Variants in CNGB3 observed in about 807,000 individuals in gnomAD.
The protein encoded by CNGB3 is cyclic nucleotide-gated channel beta-3.
Under a neutral mutation model 92.8 loss-of-function variants are expected in CNGB3, and 86 were observed. That is an observed-to-expected ratio of 0.93 (90% CI 0.78 to 1.11). CNGB3 has a LOEUF of 1.11. Among genes scored for constraint, CNGB3 ranks in the 50% least tolerant of loss-of-function variants. CNGB3 has a pLI of 0.00. For missense variants in CNGB3, 1,026 were observed against 956.8 expected (o/e 1.07, Z -0.95); for synonymous variants, 333 against 332.7 (o/e 1.00, Z -0.01).
chr8:86,727,077 T>A (rs1825072868), intron 2 of CNGB3, among the ~76,000 whole-genome samples: 1 of 152,154 alleles, frequency 6.6e-6, no homozygotes, highest in African/African-American at 2.4e-5. Context: ...TCTAACACAA[T>A]GGTCAGTCTG....
intron 3 of CNGB3, among the ~76,000 whole-genome samples, chr8:86,673,479 G>A (rs1179244616): frequency 1.3e-5 from 2 of 152,138 alleles, no homozygotes; most frequent in East Asian, 3.8e-4. Flanking sequence ...GGTATGGAAA[G>A]GAAAGGTGAG....
chr8:86,694,870 G>C (rs1824415822), intron 3 of CNGB3, among the ~76,000 whole-genome samples: 1 of 151,916 alleles, frequency 6.6e-6, no homozygotes, highest in Non-Finnish European at 1.5e-5. Context: ...CGGCCAGGCA[G>C]AGACTCTCCT....
intron 2 of CNGB3, among the ~76,000 whole-genome samples, chr8:86,739,010 G>T (rs900821236): frequency 6.6e-6 from 1 of 152,146 alleles, no homozygotes; most frequent in South Asian, 2.1e-4. Flanking sequence ...TCAGGAGAGG[G>T]AGCGTATTTG....
Position 86,654,064 on chromosome 8 carries a change from TGAAA to T in CNGB3, c.853-6_853-3del, listed in dbSNP as rs1411827679. On this transcript the variant is annotated splice_region_variant and splice_polypyrimidine_tract_variant and intron_variant, in intron 6 of 17. Coordinates refer to ENST00000320005, the MANE Select transcript of CNGB3 (RefSeq NM_019098.5). ...TTTCCTTAGCTCATTTGAATCCACCTGAAAGATATTTGTATTTTCATTAATTTTA... is the reference window on the plus strand; with the variant it reads ...TTTCCTTAGCTCATTTGAATCCACCTGATATTTGTATTTTCATTAATTTTA... 6.3e-7 allele frequency: 1 copy of T among 1,575,226 alleles called. No individual in the cohort carries two copies.
At chr8:86,585,734 G>A (rs1229396314) in intron 15 of CNGB3, among the ~76,000 whole-genome samples, 3 of 152,070 alleles carry the variant, frequency 2.0e-5, no homozygotes, top group African/African-American at 4.8e-5. Flanking sequence ...TTAGTAAAGG[G>A]GCCATTCTGC....
At chr8:86,740,987 G>A (rs1586046619) in intron 1 of CNGB3, among the ~76,000 whole-genome samples, 2 of 152,168 alleles carry the variant, frequency 1.3e-5, no homozygotes, top group African/African-American at 4.8e-5. Context: ...TTTATGTGAA[G>A]AGTGTCTTCT....
rs759770735 is a variant in CNGB3, at chr8:86,647,823, A to C, written c.968T>G (p.Phe323Cys). 6.4e-6 allele frequency: 10 copies of C among 1,570,990 alleles called. No homozygotes were observed. The East Asian group carries it at 1.6e-4, about 25-fold the overall frequency. Residue 323 changes from phenylalanine (F) to cysteine (C), a missense_variant, in exon 8 of 18, where the codon TTT becomes TGT. Physicochemically the swap from Phe to Cys is radical, Grantham distance 205. Transcript: ENST00000320005. ...CYLFFGFNPM[F>C]RANRMLKYTS... is the part of the protein sequence containing the mutation. ...TACCTTTAACATCCTATTTGCTCTA[A>C]ACATTGGATTAAACCCAAAGAAGAG...
chr8:86,690,415 T>C (rs577128932), intron 3 of CNGB3, among the ~76,000 whole-genome samples: 18 of 152,340 alleles, frequency 1.2e-4, no homozygotes, highest in African/African-American at 4.3e-4. Context: ...GGTTGTTTTT[T>C]TCTTGTAAAT....
chr8:86,687,522 G>C (rs1364492485), intron 3 of CNGB3, among the ~76,000 whole-genome samples: 1 of 152,058 alleles, frequency 6.6e-6, no homozygotes, highest in East Asian at 1.9e-4. Context: ...TGAATACCAG[G>C]AACTGGGAGG....
At chr8:86,675,028 G>A (rs1005291340) in intron 3 of CNGB3, among the ~76,000 whole-genome samples, 14 of 152,014 alleles carry the variant, frequency 9.2e-5, no homozygotes, top group African/African-American at 3.1e-4. Flanking sequence ...GTGCAATCTC[G>A]GCTCACTGCA....
Position 86,604,208 on chromosome 8 carries a change from C to T in CNGB3, c.1666G>A (p.Glu556Lys). 6.3e-7 allele frequency: 1 copy of T among 1,589,502 alleles called. No individual in the cohort carries two copies. Among genetic ancestry groups the T allele is most frequent in the South Asian group, 1.1e-5 (1 of 90,470 alleles). The change falls in exon 15 of 18, where the codon GAA becomes AAA. Residue 556 changes from glutamate to lysine, a missense_variant. Glu to Lys is a moderately conservative substitution (Grantham distance 56, BLOSUM62 1). Coordinates refer to ENST00000320005, the MANE Select transcript of CNGB3 (RefSeq NM_019098.5). ...ATGATATACATTTCCTTGCCAATTT[C>T]TCCCTACATTTTAAATATAAAGAGG... ...LPGDFVCKKG[E>K]IGKEMYIIKH...
chr8:86,661,727 G>C, intron 6 of CNGB3: 1 of 1,533,056 alleles, frequency 6.5e-7, no homozygotes, highest in Non-Finnish European at 9.0e-7. Flanking sequence ...CATGGGTAGT[G>C]GTTGATCTAG....
At chr8:86,653,024 C>T (rs916586647) in intron 7 of CNGB3, among the ~76,000 whole-genome samples, 13 of 152,150 alleles carry the variant, frequency 8.5e-5, no homozygotes, top group African/African-American at 2.9e-4. Flanking sequence ...ACACATTGCA[C>T]TGTAATGTTA....
At position 86,670,924 on chromosome 8, in the gene CNGB3, T is replaced by C; in HGVS notation, c.493+20A>G. 6.2e-7 allele frequency: 1 copy of C among 1,612,046 alleles called. No homozygotes were observed. The highest frequency in any genetic ancestry group is 8.5e-7 in the Non-Finnish European group (1 of 1,179,854). ...CTCAGCACTTCTTTCTTCCCAGTAC[T>C]TGGAGGGAGCAATGCTTACCAGTTT... On this transcript the variant is annotated intron_variant, in intron 4 of 17. Coordinates refer to ENST00000320005, the MANE Select transcript of CNGB3 (RefSeq NM_019098.5).
At chr8:86,585,060 A>G (rs1288447491) in intron 15 of CNGB3, among the ~76,000 whole-genome samples, 1 of 152,148 alleles carries the variant, frequency 6.6e-6, no homozygotes, top group East Asian at 1.9e-4. Context: ...GTATCTGATT[A>G]TCTTTAAGAA....
In CNGB3 at chr8:86,656,611, T is replaced by C. The variant is rs371763840; in HGVS notation, c.853-2549A>G. Reference sequence around the variant, plus strand: ...ACATTTCTTCAGGGGAGGCTTACTTTAGGAAGGATATGCTAATTGCACCTA... The same window carrying C: ...ACATTTCTTCAGGGGAGGCTTACTTCAGGAAGGATATGCTAATTGCACCTA... On this transcript the variant is annotated intron_variant, in intron 6 of 17. Coordinates refer to ENST00000320005, the MANE Select transcript of CNGB3 (RefSeq NM_019098.5). 3.9e-5 allele frequency among the ~76,000 whole-genome samples: 6 copies of C among 152,322 alleles called. No homozygotes were observed. In the South Asian group the frequency reaches 1.0e-3, roughly 26 times the overall value.
At chr8:86,601,110 G>A (rs910911440) in intron 15 of CNGB3, among the ~76,000 whole-genome samples, 1 of 152,044 alleles carries the variant, frequency 6.6e-6, no homozygotes, top group African/African-American at 2.4e-5. Context: ...ATTTGAAGGA[G>A]GAATGAAAAA....
intron 15 of CNGB3, among the ~76,000 whole-genome samples, chr8:86,583,980 G>T: frequency 6.9e-6 from 1 of 145,434 alleles, no homozygotes. Flanking sequence ...GTATATATTT[G>T]GAATCTTTAA....
chr8:86,648,084 C>T (rs191985835), intron 7 of CNGB3, among the ~76,000 whole-genome samples, 197 bp from the exon 8 acceptor site: 2 of 151,248 alleles, frequency 1.3e-5, no homozygotes, highest in African/African-American at 4.8e-5. Flanking sequence ...TAGCCTTCTT[C>T]CAACATATTT....
Sources: gnomAD v4.1 joint callset for allele counts (sites outside exome capture counted in the v4.1 genomes callset) on GRCh38, gnomAD v4.1.1 for gene constraint, MANE v1.5 for transcripts, NCBI Gene and HGNC (gene_info 2026-07-23, HGNC 2026-07-21) for gene names.